CDH12: variants seen among roughly 807,000 people sequenced by gnomAD.
CDH12 encodes cadherin 12.
CDH12 carries 41 observed loss-of-function variants against 74.1 expected under a neutral mutation model. The ratio of observed to expected loss-of-function variants is 0.55; its 90% CI spans 0.43 to 0.72. The LOEUF (loss-of-function observed/expected upper bound fraction) is 0.72, where lower values mean the gene tolerates loss of function less well. CDH12 is among the 30% of genes least tolerant of loss of function. The pLI, the probability that CDH12 is intolerant of heterozygous loss-of-function variation, is 0.00. For synonymous variants in CDH12, 399 were observed against 355.0 expected, an observed-to-expected ratio of 1.12 and a Z score of -1.39; for missense variants, 945 against 977.2, an observed-to-expected ratio of 0.97 and a Z score of 0.44.
chr5:22,417,328 G>A (rs1431875253), intron 2 of CDH12, among the ~76,000 whole-genome samples: 2 of 152,226 alleles, frequency 1.3e-5, no homozygotes, highest in African/African-American at 4.8e-5. Flanking sequence ...ATTAGGTTAT[G>A]AGGGTCGTGC....
intron 1 of CDH12, among the ~76,000 whole-genome samples, chr5:22,584,288 C>G (rs1035273848): frequency 1.3e-5 from 2 of 151,948 alleles, no homozygotes; most frequent in Non-Finnish European, 2.9e-5. Context: ...TTAGCAGAGA[C>G]GGGGTTTCAC....
At chr5:22,679,505 G>T (rs1741378029) in intron 1 of CDH12, among the ~76,000 whole-genome samples, 1 of 151,996 alleles carries the variant, frequency 6.6e-6, no homozygotes, top group Non-Finnish European at 1.5e-5. Context: ...GGGACCAGTT[G>T]TTATGTAGAT....
In CDH12 at chr5:22,597,738, A is replaced by G. The variant is rs142409892; in HGVS notation, c.-522-92374T>C. ...AATAAATAAGCAAATACAAGGCTAA[A>G]TGAGTAAAAAAATGTATGAATGCTT... is the stretch of plus-strand genomic sequence containing the variant. On this transcript the variant is annotated intron_variant, in intron 1 of 14. Coordinates refer to ENST00000382254, the MANE Select transcript of CDH12 (RefSeq NM_004061.5). 3.6e-3 allele frequency among the ~76,000 whole-genome samples: 548 copies of G among 152,308 alleles called. 1 individual carries two copies. The highest frequency in any genetic ancestry group is 0.01 in the African/African-American group (421 of 41,568).
intron 1 of CDH12, among the ~76,000 whole-genome samples, chr5:22,526,127 T>A (rs903590922): frequency 2.6e-5 from 4 of 152,150 alleles, no homozygotes; most frequent in Non-Finnish European, 5.9e-5. Context: ...CTATTATATG[T>A]TAGTCTACTG....
intron 3 of CDH12, among the ~76,000 whole-genome samples, chr5:22,298,121 A>G (rs1737707645): frequency 6.7e-6 from 1 of 150,242 alleles, no homozygotes; most frequent in Non-Finnish European, 1.5e-5. Flanking sequence ...AATAAATAAT[A>G]TATATGATAC....
intron 1 of CDH12, among the ~76,000 whole-genome samples, chr5:22,513,943 C>T (rs1188276840): frequency 5.3e-5 from 7 of 131,468 alleles, no homozygotes; most frequent in Admixed American, 3.6e-4. Flanking sequence ...TGTGAGACTC[C>T]GTGTCAGGAA....
intron 1 of CDH12, among the ~76,000 whole-genome samples, chr5:22,626,668 T>C (rs545296020): frequency 3.6e-4 from 55 of 152,178 alleles, no homozygotes; most frequent in African/African-American, 1.2e-3. Flanking sequence ...ACAAGAACTC[T>C]GGCAACTCAA....
intron 1 of CDH12, among the ~76,000 whole-genome samples, chr5:22,733,185 G>A (rs1744518282): frequency 6.6e-6 from 1 of 151,764 alleles, no homozygotes; most frequent in Non-Finnish European, 1.5e-5. Context: ...TCCTATCTGA[G>A]TTATTCACAG....
At chr5:22,410,153 A>G (rs1046808175) in intron 2 of CDH12, among the ~76,000 whole-genome samples, 5 of 152,040 alleles carry the variant, frequency 3.3e-5, no homozygotes, top group African/African-American at 1.2e-4. Context: ...GCAAAAGTTT[A>G]TCTCTGACCT....
chr5:22,725,093 G>A (rs1744094123), intron 1 of CDH12, among the ~76,000 whole-genome samples: 1 of 151,686 alleles, frequency 6.6e-6, no homozygotes, highest in African/African-American at 2.4e-5. Flanking sequence ...CTGGAATATA[G>A]TAAAACATGA....
At chr5:22,729,395 T>A (rs1159458909) in intron 1 of CDH12, among the ~76,000 whole-genome samples, 1 of 151,868 alleles carries the variant, frequency 6.6e-6, no homozygotes, top group Non-Finnish European at 1.5e-5. Flanking sequence ...TTTTAAGGGC[T>A]CATGTTATTA....
intron 9 of CDH12, among the ~76,000 whole-genome samples, chr5:21,807,838 T>C (rs1186516461): frequency 1.3e-5 from 2 of 152,092 alleles, no homozygotes; most frequent in African/African-American, 4.8e-5. Flanking sequence ...TTAAGTTTAA[T>C]GGAAAAATAA....
intron 3 of CDH12, among the ~76,000 whole-genome samples, chr5:22,401,699 G>C (rs1194064785): frequency 1.3e-5 from 2 of 152,050 alleles, no homozygotes; most frequent in African/African-American, 4.8e-5. Context: ...ATATGTGAGG[G>C]TGACATTATT....
chr5:21,825,970 C>T (rs1298936886), intron 8 of CDH12, among the ~76,000 whole-genome samples: 2 of 152,150 alleles, frequency 1.3e-5, no homozygotes, highest in Non-Finnish European at 2.9e-5. Context: ...GCCCAGGGAC[C>T]ATCCAAAGAG....
At chr5:22,695,425 T>C (rs1742309398) in intron 1 of CDH12, among the ~76,000 whole-genome samples, 1 of 152,116 alleles carries the variant, frequency 6.6e-6, no homozygotes, top group African/African-American at 2.4e-5. Context: ...ACCACAAATA[T>C]GTAGACCGAT....
intron 6 of CDH12, among the ~76,000 whole-genome samples, chr5:21,857,309 C>G (rs1750806446): frequency 6.6e-6 from 1 of 151,754 alleles, no homozygotes; most frequent in Non-Finnish European, 1.5e-5. Context: ...GAAATTTATT[C>G]TCTTATCATT....
intron 1 of CDH12, among the ~76,000 whole-genome samples, chr5:22,809,760 G>T (rs928033978): frequency 1.3e-5 from 2 of 151,838 alleles, no homozygotes; most frequent in Non-Finnish European, 2.9e-5. Context: ...CTTTTTTTAA[G>T]CCAAAAATAC....
rs1205822454 is a variant in CDH12 at position 21,844,766 on chromosome 5, G to GA, written c.647-2439dup. Among the ~76,000 whole-genome samples the GA allele has an allele frequency of 3.3e-5, 5 of 152,088 alleles. No homozygotes were observed. The East Asian group carries it at 7.7e-4, about 24-fold the overall frequency. Reference sequence around the variant, plus strand: ...TTTTATATAGGTTGGCAAATAACCAGAAAAAAACAATTCCACAACTCTCTC... The same window carrying GA: ...TTTTATATAGGTTGGCAAATAACCAGAAAAAAAACAATTCCACAACTCTCTC... On this transcript the variant is annotated intron_variant, in intron 7 of 14. Coordinates refer to ENST00000382254, the MANE Select transcript of CDH12 (RefSeq NM_004061.5).
intron 5 of CDH12, among the ~76,000 whole-genome samples, chr5:22,077,077 T>C (rs547261952): frequency 0.013 from 1,930 of 146,272 alleles, 25 homozygotes; most frequent in African/African-American, 0.039. Context: ...TGTGTGTGTG[T>C]GCGCGTGTGT....
Sources: allele counts gnomAD v4.1 joint callset (sites outside exome capture counted in the v4.1 genomes callset), GRCh38; gene constraint gnomAD v4.1.1; transcripts MANE v1.5; gene names NCBI Gene and HGNC (gene_info 2026-07-23, HGNC 2026-07-21).